MSN: variants seen among roughly 807,000 people sequenced by gnomAD.
MSN encodes epididymis luminal protein 70.
A neutral mutation model predicts 48.0 loss-of-function variants in MSN; 2 were observed. That is an observed-to-expected ratio of 0.04 (90% CI 0.02 to 0.13). The LOEUF (loss-of-function observed/expected upper bound fraction) is 0.13. Among genes scored for constraint, MSN ranks in the 10% least tolerant of loss-of-function variants. The pLI is 1.00. For missense variants in MSN, 267 were observed against 470.1 expected (o/e 0.57, Z 3.99); for synonymous variants, 146 against 166.9 (o/e 0.87, Z 0.97).
intron 1 of MSN, among the ~76,000 whole-genome samples, chrX:65,700,351 A>C (rs2071290035): frequency 9.0e-6 from 1 of 111,594 alleles, no homozygotes; most frequent in Non-Finnish European, 1.9e-5. Flanking sequence ...ATTTGTGAAG[A>C]GATCTTAAGA....
At chrX:65,733,408 G>A (rs1265217933) in intron 7 of MSN, 128 bp downstream of exon 7, 15 of 508,841 alleles carry the variant, frequency 2.9e-5, no homozygotes, top group East Asian at 2.2e-4. Flanking sequence ...GCATGTGCAC[G>A]AACAGGAAGC....
At chrX:65,674,946 C>G (rs1602779891) in intron 1 of MSN, among the ~76,000 whole-genome samples, 2 of 112,162 alleles carry the variant, frequency 1.8e-5, no homozygotes. Flanking sequence ...TTTCCTTAAC[C>G]ATAAATAATA....
chrX:65,671,946 T>C (rs2070946244), intron 1 of MSN, among the ~76,000 whole-genome samples: 1 of 112,124 alleles, frequency 8.9e-6, no homozygotes, highest in African/African-American at 3.2e-5. Flanking sequence ...TACTTTTCTC[T>C]TACCTCCTCC....
chrX:65,597,522 T>A (rs1001777310), intron 1 of MSN, among the ~76,000 whole-genome samples: 5 of 110,186 alleles, frequency 4.5e-5, no homozygotes, highest in African/African-American at 6.6e-5. Flanking sequence ...AATTTTTAAT[T>A]TTTTTTGTAG....
chrX:65,723,601 G>A (rs1201110905), intron 2 of MSN, among the ~76,000 whole-genome samples: 2 of 111,953 alleles, frequency 1.8e-5, no homozygotes, highest in African/African-American at 6.5e-5. Flanking sequence ...TCCTGGAACT[G>A]GAAGCTAGAT....
chrX:65,647,219 T>TC (rs1400459695), intron 1 of MSN, among the ~76,000 whole-genome samples: 4 of 107,404 alleles, frequency 3.7e-5, no homozygotes, highest in African/African-American at 1.4e-4. Flanking sequence ...TCTCTTTTTT[T>TC]TTTTTTTTTT....
chrX:65,721,023 A>T (rs991385818), intron 2 of MSN, among the ~76,000 whole-genome samples: 9 of 112,167 alleles, frequency 8.0e-5, no homozygotes, highest in Non-Finnish European at 1.7e-4. Context: ...GTGCTCAAGG[A>T]CAGAGGTGAA....
Position 65,692,577 on chromosome X carries a change from T to A in MSN, c.13-24241T>A, listed in dbSNP as rs193154815. On this transcript the variant is annotated intron_variant, in intron 1 of 12. Coordinates refer to ENST00000360270, the MANE Select transcript of MSN (RefSeq NM_002444.3). The stretch of plus-strand genomic sequence containing the variant: ...GTGGAGTTATCAGTATTTGGTTAAG[T>A]CTAGGAATTGGTGAACTTGCCTGTT... 5.9e-3 allele frequency among the ~76,000 whole-genome samples: 667 copies of A among 112,858 alleles called. 3 individuals are homozygous for A. The highest frequency in any genetic ancestry group is 9.1e-3 in the Middle Eastern group (2 of 219).
At chrX:65,641,588 ATATATATATATATT>A (rs2070653309) in intron 1 of MSN, among the ~76,000 whole-genome samples, 1 of 62,635 alleles carries the variant, frequency 1.6e-5, no homozygotes, top group African/African-American at 5.5e-5. Context: ...ATATATATAT[ATATATATATATATT>A]TTAGCATATT....
chrX:65,699,956 A>G (rs749774962), intron 1 of MSN, among the ~76,000 whole-genome samples: 3 of 110,543 alleles, frequency 2.7e-5, no homozygotes, highest in Admixed American at 9.6e-5. Flanking sequence ...TTAAAATGGT[A>G]CTTGTCTCGG....
At chrX:65,607,562 A>G (rs748602928) in intron 1 of MSN, among the ~76,000 whole-genome samples, 103 of 111,642 alleles carry the variant, frequency 9.2e-4, no homozygotes, top group Non-Finnish European at 1.8e-3. Flanking sequence ...TATTCATGAT[A>G]TCATAGAATA....
intron 1 of MSN, among the ~76,000 whole-genome samples, chrX:65,654,813 C>A (rs962463649): frequency 3.6e-5 from 4 of 111,162 alleles, no homozygotes; most frequent in African/African-American, 1.3e-4. Flanking sequence ...AAGCCCTGAC[C>A]CATCCTGCTT....
At chrX:65,663,778 G>T (rs1413865251), upstream of MSN, among the ~76,000 whole-genome samples, 3 of 110,981 alleles carry the variant, frequency 2.7e-5, no homozygotes, top group Admixed American at 2.9e-4. Context: ...GTCAACTAAG[G>T]CCAGGAGCGG....
intron 9 of MSN, 43 bp from the exon 10 acceptor site, chrX:65,737,135 T>A: frequency 8.5e-7 from 1 of 1,181,632 alleles, no homozygotes; most frequent in Non-Finnish European, 1.1e-6. Flanking sequence ...GTCGTCTTTA[T>A]CTCTGTGCTC....
chrX:65,610,013 A>G (rs2148354238), intron 1 of MSN, among the ~76,000 whole-genome samples: 1 of 112,433 alleles, frequency 8.9e-6, no homozygotes, highest in South Asian at 3.6e-4. Context: ...ATAAATGGTT[A>G]CAATAGATTA....
chrX:65,668,941 C>G (rs2070902513), intron 1 of MSN, among the ~76,000 whole-genome samples: 1 of 110,981 alleles, frequency 9.0e-6, no homozygotes, highest in African/African-American at 3.3e-5. Context: ...GAGATAGTGA[C>G]TAGTAGCCTT....
Position 65,659,103 on chromosome X carries a change from C to A in MSN, c.-21-57715C>A, listed in dbSNP as rs1376671364. The stretch of plus-strand genomic sequence containing the variant: ...AGGTGATCCACCCTCCTCAGCCTCC[C>A]AAAGTGCTGGGATTACAGGTGTGAG... On this transcript the variant is annotated intron_variant, in intron 1 of 3. Transcript: ENST00000609672. Among the ~76,000 whole-genome samples, 3 of 110,300 alleles carry A rather than the reference C, an allele frequency of 2.7e-5. No homozygotes were observed. In the East Asian group the frequency reaches 8.5e-4, roughly 31 times the overall value.
chrX:65,667,745 C>A lies in MSN; in HGVS notation c.-97C>A. 8.5e-7 allele frequency: 1 copy of A among 1,173,680 alleles called. No homozygotes were observed. Among genetic ancestry groups the A allele is most frequent in the Non-Finnish European group, 1.1e-6 (1 of 873,391 alleles). On this transcript the variant is annotated 5_prime_UTR_variant, in exon 1 of 13. Transcript: ENST00000360270. ...CGCTAGTGAGGGACCCAATCTGAGTCCCCGGCCAGCCGAATCCAAGCCGTG... is the reference window on the plus strand; with the variant it reads ...CGCTAGTGAGGGACCCAATCTGAGTACCCGGCCAGCCGAATCCAAGCCGTG...
chrX:65,618,264 C>T (rs1397815437), intron 1 of MSN, among the ~76,000 whole-genome samples: 1 of 110,898 alleles, frequency 9.0e-6, no homozygotes, highest in Non-Finnish European at 1.9e-5. Flanking sequence ...GGTATCCTTG[C>T]TGACTTTCTG....
Sources: gnomAD v4.1 joint callset for allele counts (sites outside exome capture counted in the v4.1 genomes callset) on GRCh38, gnomAD v4.1.1 for gene constraint, MANE v1.5 for transcripts, NCBI Gene and HGNC (gene_info 2026-07-23, HGNC 2026-07-21) for gene names.